The following TMEM120B variants were observed in gnomAD, a reference collection of about 807,000 sequenced individuals.
TMEM120B encodes transmembrane protein 120B.
TMEM120B carries 31 observed loss-of-function variants against 55.5 expected under a neutral mutation model. The observed-to-expected ratio is 0.56, with a 90% CI of 0.42 to 0.75. The LOEUF is 0.75. Among genes scored for constraint, TMEM120B ranks in the 30% least tolerant of loss-of-function variants. TMEM120B has a pLI of 0.00. For missense variants in TMEM120B, 399 were observed against 425.5 expected, an observed-to-expected ratio of 0.94 and a Z score of 0.55; for synonymous variants, 203 against 176.3, an observed-to-expected ratio of 1.15 and a Z score of -1.20.
At position 121,775,453 on chromosome 12, in the gene TMEM120B, A is replaced by G; in HGVS notation, c.907-156A>G. The G allele has an allele frequency of 1.0e-6, 1 of 985,000 alleles. No individual in the cohort carries two copies. The highest frequency in any genetic ancestry group is 1.2e-6 in the Non-Finnish European group (1 of 829,822). The allele number at this position is 985,000 out of a possible 1,614,324, so 61.0% of individuals were successfully genotyped here. ...AGGCCCTGCCCAAGCCTGAGGCCTC[A>G]CCCTTCCCCCAGGTCTCCTGAATCT... is the stretch of plus-strand genomic sequence containing the variant. On this transcript the variant is annotated intron_variant, in intron 11 of 11. Transcript: ENST00000449592. This position sits in a 1 kb window ranked among gnomAD's most constrained non-coding sequence, Gnocchi z 4.3.
At chr12:121,713,839 G>A (rs1894645724) in intron 1 of TMEM120B, among the ~76,000 whole-genome samples, 2 of 152,192 alleles carry the variant, frequency 1.3e-5, no homozygotes, top group Non-Finnish European at 2.9e-5. Flanking sequence ...TCCCTCTCCA[G>A]TCACGGGATT....
At chr12:121,761,545 G>A in intron 5 of TMEM120B, 104 bp from the exon 6 acceptor site, 2 of 810,152 alleles carry the variant, frequency 2.5e-6, no homozygotes, top group Non-Finnish European at 4.2e-6. Flanking sequence ...AGCGCGTGCT[G>A]TGGGCAGCCC....
intron 5 of TMEM120B, among the ~76,000 whole-genome samples, chr12:121,754,169 C>G (rs866558337): frequency 6.6e-6 from 1 of 152,254 alleles, no homozygotes; most frequent in Non-Finnish European, 1.5e-5. Context: ...GCCCTGGGCC[C>G]GTGCTCGCCT....
intron 1 of TMEM120B, among the ~76,000 whole-genome samples, chr12:121,741,390 C>T (rs1287589431): frequency 3.3e-5 from 5 of 152,124 alleles, no homozygotes; most frequent in African/African-American, 7.2e-5. Flanking sequence ...AGTGCAATGG[C>T]GCGATCTCGG....
At chr12:121,761,951 A>G (rs1873692101) in intron 6 of TMEM120B, among the ~76,000 whole-genome samples, 1 of 152,086 alleles carries the variant, frequency 6.6e-6, no homozygotes, top group South Asian at 2.1e-4. Flanking sequence ...GCAATAGAAG[A>G]CCTAACTCAG....
At chr12:121,750,782 A>G (rs1873265746) in intron 4 of TMEM120B, among the ~76,000 whole-genome samples, 1 of 117,786 alleles carries the variant, frequency 8.5e-6, no homozygotes, top group Admixed American at 8.8e-5. Context: ...CACACCTTAC[A>G]GCCACACCTA....
intron 1 of TMEM120B, among the ~76,000 whole-genome samples, chr12:121,726,736 C>T (rs545262342): frequency 1.3e-5 from 2 of 151,232 alleles, no homozygotes; most frequent in East Asian, 3.9e-4. Flanking sequence ...GAAACTCTGT[C>T]TCTACTAAAA....
intron 4 of TMEM120B, 59 bp from the exon 5 acceptor site, chr12:121,752,069 C>A: frequency 6.9e-7 from 1 of 1,440,980 alleles, no homozygotes; most frequent in Non-Finnish European, 9.7e-7. Flanking sequence ...GAGGGCCATG[C>A]CCAGGTGCTG....
intron 6 of TMEM120B, among the ~76,000 whole-genome samples, chr12:121,769,715 C>CGTGTGTGTTT (rs113353429): frequency 7.4e-5 from 11 of 148,318 alleles, no homozygotes; most frequent in Non-Finnish European, 4.5e-5. Flanking sequence ...AAAGAGAAAA[C>CGTGTGTGTTT]GTGTGTGTGT....
Position 121,753,091 on chromosome 12 carries a change from G to C in TMEM120B, c.461+868G>C, listed in dbSNP as rs557467004. Among the ~76,000 whole-genome samples, 15 of 151,732 alleles carry C rather than the reference G, an allele frequency of 9.9e-5. No individual in the cohort carries two copies. The South Asian group carries it at 3.1e-3, about 31-fold the overall frequency. ...CCACTGCACTTTAGCCTTGGGGACA[G>C]AGGGAGACCTGGTCTGAACAAAAGG... On this transcript the variant is annotated intron_variant, in intron 5 of 11. Transcript: ENST00000449592.
intron 8 of TMEM120B, among the ~76,000 whole-genome samples, chr12:121,772,125 T>TCTCTCTC (rs1874083151): frequency 4.3e-5 from 5 of 117,308 alleles, no homozygotes; most frequent in African/African-American, 2.2e-4. Flanking sequence ...CTCTCTCTCT[T>TCTCTCTC]TCTCTCTTTC....
At position 121,780,334 on chromosome 12, in the gene TMEM120B, A is replaced by C. The variant is rs1317961935; in HGVS notation, c.*4612A>C. 1 of 161,296 alleles carries C rather than the reference A, an allele frequency of 6.2e-6. No homozygotes were observed. Among genetic ancestry groups the C allele is most frequent in the Admixed American group, 6.1e-5 (1 of 16,292 alleles). The allele number at this position is 161,296 out of a possible 1,614,324, so 10.0% of individuals were successfully genotyped here. ...CGGCCTCCCAAAGTGCTGGGATTAC[A>C]GGCGTGAGCCACTATGCCCGGCCGG... On this transcript the variant is annotated 3_prime_UTR_variant, in exon 12 of 12. Transcript: ENST00000449592.
chr12:121,751,513 AAG>A (rs1453749495), intron 4 of TMEM120B, among the ~76,000 whole-genome samples: 1 of 151,176 alleles, frequency 6.6e-6, no homozygotes, highest in Admixed American at 6.6e-5. Context: ...AGTTGCATCT[AAG>A]CTAGAATTTT....
intron 1 of TMEM120B, among the ~76,000 whole-genome samples, chr12:121,720,274 CAT>C (rs1894770317): frequency 6.6e-6 from 1 of 152,206 alleles, no homozygotes; most frequent in South Asian, 2.1e-4. Context: ...GATTCTGACA[CAT>C]GACTCAGAAT....
At position 121,781,250 on chromosome 12, in the gene TMEM120B, G is replaced by T; in HGVS notation, c.*5528G>T. 1 of 1,496,224 alleles carries T rather than the reference G, an allele frequency of 6.7e-7. No individual in the cohort carries two copies. The highest frequency in any genetic ancestry group is 9.3e-7 in the Non-Finnish European group (1 of 1,078,158). The allele number at this position is 1,496,224 out of a possible 1,614,324, so 92.7% of individuals were successfully genotyped here. On this transcript the variant is annotated 3_prime_UTR_variant, in exon 12 of 12. Coordinates refer to ENST00000449592, the MANE Select transcript of TMEM120B (RefSeq NM_001080825.2). ...GTCCCCTCCCTGTCTGGACTCTGAC[G>T]GGTGAAGGGGAAGGGGCCAGGCAAG...
intron 5 of TMEM120B, among the ~76,000 whole-genome samples, chr12:121,760,517 A>C (rs1236433128): frequency 6.6e-6 from 1 of 152,174 alleles, no homozygotes; most frequent in Non-Finnish European, 1.5e-5. Flanking sequence ...GGAGTTGCAC[A>C]CATGCTCACT....
At chr12:121,718,906 C>G (rs1158695366) in intron 1 of TMEM120B, among the ~76,000 whole-genome samples, 3 of 152,180 alleles carry the variant, frequency 2.0e-5, no homozygotes, top group African/African-American at 4.8e-5. Flanking sequence ...CTCTCTCTCT[C>G]TCCTCTGTGT....
chr12:121,713,876 A>C (rs1262420100), intron 1 of TMEM120B, among the ~76,000 whole-genome samples: 2 of 152,094 alleles, frequency 1.3e-5, no homozygotes, highest in Non-Finnish European at 2.9e-5. Flanking sequence ...GCTTTGCCTG[A>C]AATTACATTG....
rs1873233391 is a variant in TMEM120B, at chr12:121,750,260, A to G, written c.306-120A>G. ...GGGGGCCCATTTGCCCGCTGAGCTT[A>G]GGCCCCCTATCTTCTAACATCAGTG... On this transcript the variant is annotated intron_variant, in intron 3 of 11. Transcript: ENST00000449592. 5.4e-6 allele frequency: 5 copies of G among 922,720 alleles called. No individual in the cohort carries two copies. The Admixed American group carries it at 7.4e-5, about 14-fold the overall frequency. The allele number at this position is 922,720 out of a possible 1,614,324, so 57.2% of individuals were successfully genotyped here.
Sources: allele counts gnomAD v4.1 joint callset (sites outside exome capture counted in the v4.1 genomes callset), GRCh38; gene constraint gnomAD v4.1.1; non-coding constraint Gnocchi (gnomAD v3.1); transcripts MANE v1.5; gene names NCBI Gene and HGNC (gene_info 2026-07-23, HGNC 2026-07-21).